The following DNAH7 variants were observed in gnomAD, a reference collection of about 807,000 sequenced individuals.
DNAH7 encodes the protein axonemal beta dynein heavy chain 7.
DNAH7 carries 397 observed loss-of-function variants against 444.6 expected under a neutral mutation model. The ratio of observed to expected loss-of-function variants is 0.89; its 90% CI spans 0.82 to 0.97. The LOEUF (loss-of-function observed/expected upper bound fraction) is 0.97. Ranked by LOEUF, DNAH7 falls within the 50% of genes least tolerant of loss-of-function variation. The probability of loss-of-function intolerance (pLI) is 0.00; values close to 1 mark genes in which losing one functional copy is unlikely to be tolerated. For missense variants in DNAH7, 4,902 were observed against 4,800.8 expected (o/e 1.02, Z -0.62); for synonymous variants, 1,636 against 1,624.4 (o/e 1.01, Z -0.17).
chr2:195,999,030 G>C, intron 12 of DNAH7: 1 of 700,238 alleles, frequency 1.4e-6, no homozygotes, highest in South Asian at 1.5e-5. Flanking sequence ...TTTCCGGCAA[G>C]GTGGATGCAT....
intron 48 of DNAH7, 130 bp from the exon 49 acceptor site, chr2:195,824,575 TG>T (rs1270048280): frequency 6.0e-5 from 47 of 787,574 alleles, no homozygotes; most frequent in Non-Finnish European, 8.5e-5. Flanking sequence ...AAATTACTTT[TG>T]TCTTCTGAAA....
chr2:195,902,877 A>G (rs765812504), intron 27 of DNAH7: 5 of 152,134 alleles, frequency 3.3e-5, no homozygotes, highest in Non-Finnish European at 5.9e-5. Context: ...ATACAGATAT[A>G]ATGTTATAAT....
intron 1 of DNAH7, among the ~76,000 whole-genome samples, chr2:196,059,997 C>G (rs1262765674): frequency 6.6e-6 from 1 of 152,076 alleles, no homozygotes; most frequent in African/African-American, 2.4e-5. Flanking sequence ...GGGCGGATCA[C>G]GAGGTCAGGA....
At chr2:195,787,199 C>A in intron 57 of DNAH7, 28 bp from the exon 58 acceptor site, 1 of 1,563,768 alleles carries the variant, frequency 6.4e-7, no homozygotes, top group Non-Finnish European at 8.6e-7. Flanking sequence ...GATGCCGCAT[C>A]ATTATTTTCT....
chr2:195,974,950 C>CT (rs1692085280), intron 15 of DNAH7, among the ~76,000 whole-genome samples: 1 of 152,094 alleles, frequency 6.6e-6, no homozygotes, highest in Admixed American at 6.6e-5. Flanking sequence ...CACTTTAACT[C>CT]TTTTTTATAA....
At chr2:195,859,148 C>T (rs1033176942) in intron 42 of DNAH7, among the ~76,000 whole-genome samples, 30 of 152,222 alleles carry the variant, frequency 2.0e-4, no homozygotes, top group African/African-American at 7.0e-4. Context: ...TAAGTTGATC[C>T]CAGCAACACT....
At position 195,888,321 on chromosome 2, in the gene DNAH7, G is replaced by C; in HGVS notation, c.5343C>G (p.Phe1781Leu). ...CCATTCTGTCAAATAAGCCCATTATGAATTCCTTTTGAATAACACTGACTG... is the reference window on the plus strand; with the variant it reads ...CCATTCTGTCAAATAAGCCCATTATCAATTCCTTTTGAATAACACTGACTG... ...PASVSVIQKE[F>L]IMGLFDRMVP... The change falls in exon 33 of 65, where the codon TTC (phenylalanine) becomes TTG (leucine). Residue 1781 changes from phenylalanine (F) to leucine (L), a missense_variant. By Grantham distance (22) the Phe-to-Leu change is conservative. Transcript: ENST00000312428. 6.2e-7 allele frequency: 1 copy of C among 1,611,036 alleles called. No individual in the cohort carries two copies. The highest frequency in any genetic ancestry group is 8.5e-7 in the Non-Finnish European group (1 of 1,178,804).
At chr2:195,934,474 T>C in intron 21 of DNAH7, 117 bp downstream of exon 21, 3 of 1,088,524 alleles carry the variant, frequency 2.8e-6, no homozygotes, top group South Asian at 3.0e-5. Context: ...CACATTTGAA[T>C]TGGTAATTCC....
intron 12 of DNAH7, among the ~76,000 whole-genome samples, chr2:196,000,379 TAA>T (rs988651822): frequency 1.3e-5 from 2 of 152,090 alleles, no homozygotes; most frequent in African/African-American, 4.8e-5. Flanking sequence ...TGGAAAAGCA[TAA>T]AGAGACCTAC....
chr2:195,875,787 AG>A lies in DNAH7; in HGVS notation c.6173del (p.Pro2058LeufsTer10). Reference protein sequence around the residue: ...MPAREVYGAQPPIELLRQWLD... With the variant: ...MPAREVYGAQXPIELLRQWLD... ...ACCACTGTCTAAGTAACTCAATGGG[AG>A]GTTGAGCCCCATATACCTCCCGAGC... On this transcript the variant is annotated frameshift_variant, in exon 38 of 65. Transcript: ENST00000312428. LOFTEE classifies it high-confidence loss of function. 6.2e-7 allele frequency: 1 copy of A among 1,613,830 alleles called. No homozygotes were observed. The highest frequency in any genetic ancestry group is 1.1e-5 in the South Asian group (1 of 90,972).
At position 195,879,509 on chromosome 2, in the gene DNAH7, A is replaced by G. The variant is rs540281878; in HGVS notation, c.5961+2286T>C. On this transcript the variant is annotated intron_variant, in intron 36 of 64. Transcript: ENST00000312428. ...TATCAGGATGCCTTAAAAATTATAT[A>G]AACAAAATTTATGTTTTCATAAGCT... Among the ~76,000 whole-genome samples, 3 of 152,264 alleles carry G rather than the reference A, an allele frequency of 2.0e-5. No homozygotes were observed. In the East Asian group the frequency reaches 5.8e-4, roughly 29 times the overall value.
chr2:196,067,815 G>A (rs1245298510), intron 1 of DNAH7, among the ~76,000 whole-genome samples: 1 of 152,168 alleles, frequency 6.6e-6, no homozygotes, highest in Non-Finnish European at 1.5e-5. Context: ...AAATTTGCAG[G>A]CTTAAAAACA....
At chr2:195,802,366 G>A (rs998433503) in intron 54 of DNAH7, among the ~76,000 whole-genome samples, 4 of 152,132 alleles carry the variant, frequency 2.6e-5, no homozygotes, top group Non-Finnish European at 4.4e-5. Flanking sequence ...TGGGTATGGT[G>A]GCGTGTGCCT....
chr2:196,009,773 T>C (rs1694616800), intron 10 of DNAH7, among the ~76,000 whole-genome samples: 3 of 152,034 alleles, frequency 2.0e-5, no homozygotes, highest in South Asian at 4.1e-4. Flanking sequence ...GTACAAAGGA[T>C]TAATAACTGG....
At chr2:196,006,991 G>A (rs556037938) in intron 10 of DNAH7, among the ~76,000 whole-genome samples, 4 of 152,250 alleles carry the variant, frequency 2.6e-5, no homozygotes, top group African/African-American at 9.6e-5. Context: ...CTGTGTTCAT[G>A]AATTGAAAGA....
At chr2:195,991,057 G>T (rs1198098328) in intron 12 of DNAH7, among the ~76,000 whole-genome samples, 1 of 149,846 alleles carries the variant, frequency 6.7e-6, no homozygotes, top group Non-Finnish European at 1.5e-5. Flanking sequence ...CCCATTTGAG[G>T]TGATTAGATC....
intron 35 of DNAH7, among the ~76,000 whole-genome samples, chr2:195,883,185 C>T (rs1270472403): frequency 2.0e-5 from 3 of 152,260 alleles, no homozygotes; most frequent in African/African-American, 4.8e-5. Flanking sequence ...CGGTGGCTCA[C>T]GCCTGTAATC....
chr2:195,770,110 C>T (rs1470209957), intron 61 of DNAH7, among the ~76,000 whole-genome samples: 1 of 152,146 alleles, frequency 6.6e-6, no homozygotes, highest in Non-Finnish European at 1.5e-5. Context: ...GTAGACTCCT[C>T]TTTCAGTAAT....
At chr2:195,806,898 T>A in intron 53 of DNAH7, 66 bp from the exon 54 acceptor site, 1 of 1,243,776 alleles carries the variant, frequency 8.0e-7, no homozygotes, top group Non-Finnish European at 1.1e-6. Context: ...TTTTCACTTA[T>A]AAACCAACTT....
Sources: gnomAD v4.1 joint callset for allele counts (sites outside exome capture counted in the v4.1 genomes callset) on GRCh38, gnomAD v4.1.1 for gene constraint, MANE v1.5 for transcripts, NCBI Gene and HGNC (gene_info 2026-07-23, HGNC 2026-07-21) for gene names.